TNIK: variants seen among roughly 807,000 people sequenced by gnomAD.
The protein encoded by TNIK is TRAF2 and NCK interacting kinase.
Under a neutral mutation model 191.3 loss-of-function variants are expected in TNIK, and 49 were observed. The observed-to-expected ratio is 0.26, with a 90% CI of 0.20 to 0.32. The LOEUF is 0.32. Among genes scored for constraint, TNIK ranks in the 10% least tolerant of loss-of-function variants. The pLI is 1.00. For synonymous variants in TNIK, 594 were observed against 600.9 expected, an observed-to-expected ratio of 0.99 and a Z score of 0.17; for missense variants, 1,155 against 1,702.3, an observed-to-expected ratio of 0.68 and a Z score of 5.66.
chr3:171,194,024 G>A (rs1264078687), intron 5 of TNIK, among the ~76,000 whole-genome samples: 4 of 152,026 alleles, frequency 2.6e-5, no homozygotes, highest in African/African-American at 7.2e-5. Flanking sequence ...AGGTAAAATC[G>A]GTTAAACTAG....
intron 4 of TNIK, among the ~76,000 whole-genome samples, chr3:171,206,034 C>A (rs962699994): frequency 6.6e-6 from 1 of 152,184 alleles, no homozygotes; most frequent in Non-Finnish European, 1.5e-5. Flanking sequence ...CCCTTACCTG[C>A]ATTCCCAATT....
intron 2 of TNIK, among the ~76,000 whole-genome samples, chr3:171,255,385 T>C (rs1180908817): frequency 6.6e-6 from 1 of 152,212 alleles, no homozygotes; most frequent in Non-Finnish European, 1.5e-5. Flanking sequence ...ACAACCATCT[T>C]AGCTAGAGCT....
intron 2 of TNIK, among the ~76,000 whole-genome samples, chr3:171,243,189 T>C (rs2109047089): frequency 6.6e-6 from 1 of 152,236 alleles, no homozygotes; most frequent in South Asian, 2.1e-4. Context: ...AACTCCACTT[T>C]CAGTGGAGTT....
chr3:171,339,121 C>T (rs1386338824), intron 2 of TNIK, among the ~76,000 whole-genome samples: 1 of 152,208 alleles, frequency 6.6e-6, no homozygotes, highest in African/African-American at 2.4e-5. Flanking sequence ...TCTGTTTTCT[C>T]CATTTCACTC....
At chr3:171,190,894 C>A in intron 5 of TNIK, 107 bp from the exon 6 acceptor site, 2 of 712,766 alleles carry the variant, frequency 2.8e-6, no homozygotes, top group Non-Finnish European at 4.7e-6. Context: ...CCCAGACATA[C>A]TTTTCAGAAT....
chr3:171,310,379 A>C (rs1213304242), intron 2 of TNIK, among the ~76,000 whole-genome samples: 1 of 152,160 alleles, frequency 6.6e-6, no homozygotes, highest in Non-Finnish European at 1.5e-5. Context: ...TCACAATTGT[A>C]AATCAAAATT....
chr3:171,191,056 C>A (rs1738007552), intron 5 of TNIK, among the ~76,000 whole-genome samples: 1 of 152,110 alleles, frequency 6.6e-6, no homozygotes, highest in South Asian at 2.1e-4. Flanking sequence ...TATCAGGGAA[C>A]CACACAAGTA....
intron 22 of TNIK, among the ~76,000 whole-genome samples, chr3:171,098,768 GC>G (rs1723058827): frequency 6.6e-6 from 1 of 151,956 alleles, no homozygotes; most frequent in Admixed American, 6.6e-5. Context: ...AGGCACTCTG[GC>G]CCCCAAATAC....
intron 2 of TNIK, among the ~76,000 whole-genome samples, chr3:171,356,060 A>G (rs1316836486): frequency 2.0e-5 from 3 of 152,196 alleles, no homozygotes; most frequent in African/African-American, 7.2e-5. Context: ...CGTGGTCTCC[A>G]GAGCAGTAAG....
intron 9 of TNIK, among the ~76,000 whole-genome samples, chr3:171,173,220 TAA>T (rs35147904): frequency 9.0e-5 from 12 of 133,100 alleles, no homozygotes; most frequent in African/African-American, 1.4e-4. Flanking sequence ...CTGTCTCTAC[TAA>T]AAAAAAAAAA....
intron 23 of TNIK, among the ~76,000 whole-genome samples, chr3:171,090,898 A>T (rs765034259): frequency 2.6e-5 from 4 of 152,196 alleles, no homozygotes; most frequent in Non-Finnish European, 4.4e-5. Context: ...CCACAAGATG[A>T]CAAGTTGGGT....
intron 12 of TNIK, among the ~76,000 whole-genome samples, chr3:171,148,256 T>C (rs577679135): frequency 7.9e-5 from 12 of 152,346 alleles, no homozygotes; most frequent in Non-Finnish European, 1.5e-4. Flanking sequence ...AGCTGGTCTT[T>C]GCGGACACTG....
chr3:171,190,813 G>T, intron 5 of TNIK, 26 bp from the exon 6 acceptor site: 2 of 1,537,088 alleles, frequency 1.3e-6, no homozygotes, highest in East Asian at 2.3e-5. Flanking sequence ...GTTAAGAAGG[G>T]TTAATAGGAA....
At chr3:171,391,024 A>T (rs976256590) in intron 1 of TNIK, among the ~76,000 whole-genome samples, 1 of 152,242 alleles carries the variant, frequency 6.6e-6, no homozygotes, top group Non-Finnish European at 1.5e-5. Context: ...ATAACAGAAT[A>T]AACAAATGCT....
rs371259134 is a variant in TNIK, at chr3:171,162,277, A to T, written c.950-941T>A. Among the ~76,000 whole-genome samples the T allele has an allele frequency of 2.0e-5, 3 of 152,118 alleles. No homozygotes were observed. In the South Asian group the frequency reaches 6.2e-4, roughly 32 times the overall value. ...TCTACTAAAAATACAAAAAAAAATT[A>T]GCTGGGCGTGGTTACAGGCACCGGT... On this transcript the variant is annotated intron_variant, in intron 10 of 32. Transcript: ENST00000436636.
intron 7 of TNIK, among the ~76,000 whole-genome samples, chr3:171,184,780 TG>T (rs1302171981): frequency 4.6e-5 from 7 of 152,220 alleles, no homozygotes; most frequent in Non-Finnish European, 7.3e-5. Flanking sequence ...CCACCCTGCC[TG>T]AATAATGCCA....
intron 2 of TNIK, among the ~76,000 whole-genome samples, chr3:171,315,367 C>T (rs1754490147): frequency 6.6e-6 from 1 of 152,136 alleles, no homozygotes; most frequent in African/African-American, 2.4e-5. Flanking sequence ...TCACCCTGAT[C>T]TCTTACCACT....
At chr3:171,419,437 A>G (rs1723484716) in intron 1 of TNIK, among the ~76,000 whole-genome samples, 2 of 152,256 alleles carry the variant, frequency 1.3e-5, no homozygotes, top group South Asian at 4.1e-4. Flanking sequence ...ATGGTTGCAC[A>G]GCTCTGTGAA....
chr3:171,307,126 C>T lies in TNIK; in HGVS notation c.123+62494G>A, dbSNP rs77028923. 2.4e-4 allele frequency among the ~76,000 whole-genome samples: 36 copies of T among 152,266 alleles called. 1 individual carries two copies. In the East Asian group the frequency reaches 7.0e-3, roughly 29 times the overall value. ...CTAATACCAAATCGTCCTTCACATA[C>T]GTTTCCAAAACCTATTTTCTATTTA... On this transcript the variant is annotated intron_variant, in intron 2 of 32. Transcript: ENST00000436636.
Sources: gnomAD v4.1 joint callset for allele counts (sites outside exome capture counted in the v4.1 genomes callset) on GRCh38, gnomAD v4.1.1 for gene constraint, MANE v1.5 for transcripts, NCBI Gene and HGNC (gene_info 2026-07-23, HGNC 2026-07-21) for gene names.